The following SAMD3 variants were observed in gnomAD, a reference collection of about 807,000 sequenced individuals.
The protein encoded by SAMD3 is sterile alpha motif domain-containing protein 3.
Under a neutral mutation model 58.5 loss-of-function variants are expected in SAMD3, and 63 were observed. That is an observed-to-expected ratio of 1.08 (90% CI 0.88 to 1.33). SAMD3 has a LOEUF of 1.33. Ranked by LOEUF, SAMD3 falls within the 40% of genes most tolerant of loss-of-function variation. The pLI is 0.00. For missense variants in SAMD3, 604 were observed against 608.4 expected, an observed-to-expected ratio of 0.99 and a Z score of 0.08; for synonymous variants, 220 against 210.3, an observed-to-expected ratio of 1.05 and a Z score of -0.40.
At chr6:130,288,181 G>A (rs1234847151) in intron 2 of SAMD3, among the ~76,000 whole-genome samples, 1 of 152,134 alleles carries the variant, frequency 6.6e-6, no homozygotes. Flanking sequence ...CATCTATATA[G>A]AGAAAGACAG....
intron 9 of SAMD3, among the ~76,000 whole-genome samples, chr6:130,147,370 C>T (rs1290367625): frequency 6.6e-6 from 1 of 152,198 alleles, no homozygotes; most frequent in East Asian, 1.9e-4. Flanking sequence ...CACAGTGGAC[C>T]ACTAATCTAG....
intron 5 of SAMD3, among the ~76,000 whole-genome samples, chr6:130,206,288 A>G (rs965472920): frequency 1.3e-5 from 2 of 152,130 alleles, no homozygotes; most frequent in African/African-American, 4.8e-5. Flanking sequence ...AGTTGGTACT[A>G]GGGCAAGGCA....
chr6:130,294,399 T>A (rs1205587223), intron 2 of SAMD3, among the ~76,000 whole-genome samples: 1 of 152,194 alleles, frequency 6.6e-6, no homozygotes, highest in Non-Finnish European at 1.5e-5. Context: ...ACACTGTGTG[T>A]ATTTTTTAAA....
Position 130,209,536 on chromosome 6 carries a change from G to T in SAMD3, c.342C>A (p.Asn114Lys). The change falls in exon 5 of 12, where the codon AAC becomes AAA. Residue 114 changes from asparagine (N) to lysine (K), a missense_variant. Coordinates refer to ENST00000439090, the MANE Select transcript of SAMD3 (RefSeq NM_001017373.4). The stretch of plus-strand genomic sequence containing the variant: ...TTTGGTCAATTAGTCCATTATCAAG[G>T]TTTTCAGCTGGATAGAAAGATGGCA... ...EQMPSFYPAE[N>K]LDNGLIDQRV... is the part of the protein sequence containing the mutation. 1 of 1,613,710 alleles carries T rather than the reference G, an allele frequency of 6.2e-7. No homozygotes were observed. Among genetic ancestry groups the T allele is most frequent in the African/African-American group, 1.3e-5 (1 of 75,034 alleles).
At chr6:130,231,592 T>C (rs1796552303) in intron 2 of SAMD3, among the ~76,000 whole-genome samples, 1 of 151,652 alleles carries the variant, frequency 6.6e-6, no homozygotes, top group Non-Finnish European at 1.5e-5. Context: ...AAAAAAGTAA[T>C]TTTTAAGGAT....
chr6:130,357,239 C>T (rs1777860208), intron 1 of SAMD3, among the ~76,000 whole-genome samples: 1 of 151,342 alleles, frequency 6.6e-6, no homozygotes. Flanking sequence ...ATTCTCCTGC[C>T]TCAGCCTCCC....
rs529115939 is a variant in SAMD3, at chr6:130,167,240, CAG to C, written c.822+8599_822+8600del. ...TCAAATATACATGAACCCCAAATGA[CAG>C]AACACATTCTGGAACATTTACAAAC... On this transcript the variant is annotated intron_variant, in intron 8 of 11. Transcript: ENST00000439090. Among the ~76,000 whole-genome samples, 38 of 152,212 alleles carry C rather than the reference CAG, an allele frequency of 2.5e-4. No homozygotes were observed. In the South Asian group the frequency reaches 7.5e-3, roughly 30 times the overall value.
At chr6:130,174,012 C>T (rs988659928) in intron 8 of SAMD3, among the ~76,000 whole-genome samples, 5 of 152,220 alleles carry the variant, frequency 3.3e-5, no homozygotes, top group East Asian at 1.9e-4. Context: ...CCAGTAATGG[C>T]GGACAGCCCT....
At chr6:130,183,902 A>G (rs1405733972) in intron 7 of SAMD3, among the ~76,000 whole-genome samples, 2 of 152,174 alleles carry the variant, frequency 1.3e-5, no homozygotes, top group African/African-American at 4.8e-5. Flanking sequence ...AAAGTGAAAG[A>G]CAGAAACAAA....
At chr6:130,259,572 A>T (rs779451115) in intron 2 of SAMD3, among the ~76,000 whole-genome samples, 1 of 152,262 alleles carries the variant, frequency 6.6e-6, no homozygotes, top group Non-Finnish European at 1.5e-5. Flanking sequence ...TTCAAACCAT[A>T]GAAACACATA....
At chr6:130,154,243 T>C (rs1789520705) in intron 9 of SAMD3, among the ~76,000 whole-genome samples, 1 of 151,652 alleles carries the variant, frequency 6.6e-6, no homozygotes, top group Non-Finnish European at 1.5e-5. Context: ...TTCTTTTTTT[T>C]TTTTTTTAAT....
At chr6:130,209,355 C>T (rs148959147) in intron 5 of SAMD3, 140 bp downstream of exon 5, 728 of 501,070 alleles carry the variant, frequency 1.5e-3, no homozygotes, top group Non-Finnish European at 2.1e-3. Flanking sequence ...GTATCTTTAT[C>T]GCTGGATAAA....
At chr6:130,350,029 T>C (rs1384195356) in intron 1 of SAMD3, among the ~76,000 whole-genome samples, 1 of 152,198 alleles carries the variant, frequency 6.6e-6, no homozygotes, top group Non-Finnish European at 1.5e-5. Context: ...CAGCCCTTCA[T>C]ACTAAAAACT....
At chr6:130,294,846 G>A (rs1344131991) in intron 2 of SAMD3, among the ~76,000 whole-genome samples, 1 of 119,646 alleles carries the variant, frequency 8.4e-6, no homozygotes, top group Admixed American at 8.3e-5. Flanking sequence ...TATTGTTATT[G>A]TATTTCTTTC....
At chr6:130,299,415 C>G (rs1583068536) in intron 2 of SAMD3, among the ~76,000 whole-genome samples, 1 of 151,958 alleles carries the variant, frequency 6.6e-6, no homozygotes, top group South Asian at 2.1e-4. Flanking sequence ...TATTTTGAAA[C>G]AAATGAGAAT....
At chr6:130,338,538 T>C (rs1777170606) in intron 1 of SAMD3, among the ~76,000 whole-genome samples, 1 of 152,172 alleles carries the variant, frequency 6.6e-6, no homozygotes, top group Admixed American at 6.5e-5. Flanking sequence ...TCACAGGCAC[T>C]CAATGCCAGC....
chr6:130,238,268 G>A (rs1490510534), intron 2 of SAMD3, among the ~76,000 whole-genome samples: 2 of 152,164 alleles, frequency 1.3e-5, no homozygotes, highest in African/African-American at 4.8e-5. Context: ...AATGTTGGCA[G>A]TTAAGTCAAT....
intron 2 of SAMD3, among the ~76,000 whole-genome samples, chr6:130,283,441 G>C (rs912604492): frequency 6.6e-6 from 1 of 152,072 alleles, no homozygotes; most frequent in Non-Finnish European, 1.5e-5. Flanking sequence ...ATCACACATA[G>C]AGCCTTATAG....
intron 2 of SAMD3, among the ~76,000 whole-genome samples, chr6:130,295,546 GTTAAGAT>G (rs779164871): frequency 2.6e-5 from 4 of 152,192 alleles, no homozygotes; most frequent in Non-Finnish European, 5.9e-5. Context: ...ACTCTTAAGA[GTTAAGAT>G]ATTTCTTTCC....
Sources: gnomAD v4.1 joint callset for allele counts (sites outside exome capture counted in the v4.1 genomes callset) on GRCh38, gnomAD v4.1.1 for gene constraint, MANE v1.5 for transcripts, NCBI Gene and HGNC (gene_info 2026-07-23, HGNC 2026-07-21) for gene names.